The following IP6K1 variants were observed in gnomAD, a reference collection of about 807,000 sequenced individuals.
IP6K1 encodes ATP:1D-myo-inositol-hexakisphosphate phosphotransferase.
IP6K1 carries 13 observed loss-of-function variants against 38.3 expected under a neutral mutation model. The observed-to-expected ratio is 0.34, with a 90% confidence interval of 0.22 to 0.54. The LOEUF (loss-of-function observed/expected upper bound fraction) is 0.54, where lower values mean the gene tolerates loss of function less well. Among genes scored for constraint, IP6K1 ranks in the 20% least tolerant of loss-of-function variants. The pLI is 0.92. For missense variants in IP6K1, 397 were observed against 599.8 expected, an observed-to-expected ratio of 0.66 and a Z score of 3.53; for synonymous variants, 212 against 229.9, an observed-to-expected ratio of 0.92 and a Z score of 0.70.
chr3:49,776,519 T>TAAA (rs36035503), intron 1 of IP6K1, among the ~76,000 whole-genome samples: 5 of 142,776 alleles, frequency 3.5e-5, no homozygotes, highest in African/African-American at 5.2e-5. Context: ...TCAGTCTCAG[T>TAAA]AAAAAAAAAA....
At chr3:49,781,628 C>G (rs1185865448) in intron 1 of IP6K1, among the ~76,000 whole-genome samples, 1 of 152,080 alleles carries the variant, frequency 6.6e-6, no homozygotes. Context: ...TTTAGCAAAC[C>G]ATTTGGTTAG....
At chr3:49,751,250 G>A (rs1293664172) in intron 1 of IP6K1, among the ~76,000 whole-genome samples, 1 of 151,974 alleles carries the variant, frequency 6.6e-6, no homozygotes, top group Non-Finnish European at 1.5e-5. Flanking sequence ...CTGCCTCCAG[G>A]GTTCAAGCGA....
chr3:49,727,382 T>C lies in IP6K1; in HGVS notation c.1066A>G (p.Met356Val). The change falls in exon 6 of 6, where the codon ATG becomes GTG. Residue 356 changes from methionine to valine, a missense_variant. By Grantham distance (21) the Met-to-Val change is conservative. Coordinates refer to ENST00000321599, the MANE Select transcript of IP6K1 (RefSeq NM_153273.4). This position sits in a 1 kb window ranked among gnomAD's most constrained non-coding sequence, Gnocchi z 5.9. ...ACCATGTCCAGGTGCTTGAGACGCA[T>C]CTCAGACCGGCGGTCCAGGCAGGAC... is the stretch of plus-strand genomic sequence containing the variant. ...AESCLDRRSE[M>V]RLKHLDMVLP... 6.2e-7 allele frequency: 1 copy of C among 1,613,986 alleles called. No homozygotes were observed. The highest frequency in any genetic ancestry group is 1.1e-5 in the South Asian group (1 of 91,068).
At chr3:49,753,428 G>C (rs766243941) in intron 1 of IP6K1, among the ~76,000 whole-genome samples, 2 of 151,830 alleles carry the variant, frequency 1.3e-5, no homozygotes, top group Non-Finnish European at 2.9e-5. Context: ...CCTTTAATTG[G>C]CTCTTCTTTT....
At chr3:49,746,729 G>A (rs2080724555) in intron 2 of IP6K1, among the ~76,000 whole-genome samples, 1 of 150,806 alleles carries the variant, frequency 6.6e-6, no homozygotes, top group Non-Finnish European at 1.5e-5. Flanking sequence ...GCCAAGAATG[G>A]AGTTTTAATA....
At chr3:49,740,228 CTTT>C (rs71080547) in intron 2 of IP6K1, among the ~76,000 whole-genome samples, 11 of 76,492 alleles carry the variant, frequency 1.4e-4, no homozygotes, top group African/African-American at 1.9e-4. Flanking sequence ...ATTTGCAATT[CTTT>C]TTTTTTTTTT....
At chr3:49,735,398 T>A (rs576328997) in intron 3 of IP6K1, among the ~76,000 whole-genome samples, 1 of 152,280 alleles carries the variant, frequency 6.6e-6, no homozygotes, top group Non-Finnish European at 1.5e-5. Context: ...CCTAAAGCGC[T>A]GTTCAGAGAG....
intron 1 of IP6K1, among the ~76,000 whole-genome samples, chr3:49,782,831 C>A (rs1488130937): frequency 4.7e-5 from 7 of 150,268 alleles, no homozygotes; most frequent in Non-Finnish European, 1.5e-5. Flanking sequence ...CAGGCGTGGC[C>A]AGGTGTGGTG....
At position 49,761,098 on chromosome 3, in the gene IP6K1, G is replaced by A. The variant is rs150111901; in HGVS notation, c.-128-12930C>T. Among the ~76,000 whole-genome samples the A allele has an allele frequency of 4.4e-3, 674 of 151,566 alleles. 7 individuals are homozygous for A. Among genetic ancestry groups the A allele is most frequent in the African/African-American group, 0.015 (628 of 41,296 alleles). ...TGGGAGGCCGAGGCGAATGGATCAC[G>A]AGGTCAAGAGATCGAGACCATCCTG... On this transcript the variant is annotated intron_variant, in intron 1 of 5. Transcript: ENST00000321599.
intron 1 of IP6K1, among the ~76,000 whole-genome samples, chr3:49,764,560 C>T (rs1199445496): frequency 2.6e-5 from 4 of 152,022 alleles, no homozygotes; most frequent in African/African-American, 9.7e-5. Context: ...CCACACTGTA[C>T]AAGAGTCAAC....
At chr3:49,782,434 G>A (rs1019537472) in intron 1 of IP6K1, among the ~76,000 whole-genome samples, 3 of 152,080 alleles carry the variant, frequency 2.0e-5, no homozygotes, top group Admixed American at 2.0e-4. Context: ...CTCCCACAGT[G>A]CTGGGATTAC....
intron 1 of IP6K1, among the ~76,000 whole-genome samples, chr3:49,753,399 C>T (rs1380907174): frequency 6.6e-6 from 1 of 152,154 alleles, no homozygotes; most frequent in Non-Finnish European, 1.5e-5. Context: ...AAATACACCA[C>T]CACCTGCACC....
intron 3 of IP6K1, among the ~76,000 whole-genome samples, chr3:49,735,388 C>T (rs1402579210): frequency 6.6e-6 from 1 of 152,002 alleles, no homozygotes; most frequent in Non-Finnish European, 1.5e-5. Context: ...AAAAGCCCAC[C>T]CTAAAGCGCT....
In IP6K1 at chr3:49,742,406, G is replaced by A. The variant is rs567309704; in HGVS notation, c.224-3984C>T. On this transcript the variant is annotated intron_variant, in intron 2 of 5. Transcript: ENST00000321599. ...CTACTAAAAATACAAAAAATTAGCC[G>A]GGCGTGGTGGTACACGCCTGTAGTC... 5.9e-5 allele frequency among the ~76,000 whole-genome samples: 9 copies of A among 152,168 alleles called. No homozygotes were observed. In the South Asian group the frequency reaches 1.0e-3, roughly 18 times the overall value.
At chr3:49,732,696 C>A in intron 4 of IP6K1, 95 bp downstream of exon 4, 1 of 965,470 alleles carries the variant, frequency 1.0e-6, no homozygotes, top group Admixed American at 2.6e-5. Context: ...CGAAGAGGGA[C>A]CCTAGACAAA....
At chr3:49,774,407 C>CAAAAAAAAAAAAAAAAA (rs777187857) in intron 1 of IP6K1, among the ~76,000 whole-genome samples, 1 of 44,282 alleles carries the variant, frequency 2.3e-5, no homozygotes, top group Non-Finnish European at 4.7e-5. Context: ...GACTCCATCT[C>CAAAAAAAAAAAAAAAAA]AAAAAAAAAA....
Position 49,738,280 on chromosome 3 carries a change from C to T in IP6K1, c.366G>A (p.Leu122=). ...GGTCACTGCCACTGCCTGACCGGTG[C>T]AGGCTCCGGCGGGAGTGTTTGCGCC... The part of the protein sequence containing the change: ...QPRRKHSRRS[L]HRSGSGSDHK... The change falls in exon 3 of 6, where the codon CTG becomes CTA. Residue 122 remains leucine, a synonymous_variant. Transcript: ENST00000321599. The T allele has an allele frequency of 6.2e-7, 1 of 1,614,244 alleles. No homozygotes were observed. The highest frequency in any genetic ancestry group is 8.5e-7 in the Non-Finnish European group (1 of 1,180,036).
intron 1 of IP6K1, among the ~76,000 whole-genome samples, chr3:49,752,044 C>T (rs993797156): frequency 6.6e-6 from 1 of 152,110 alleles, no homozygotes; most frequent in Non-Finnish European, 1.5e-5. Flanking sequence ...GGGGGTCTGT[C>T]GTCCAGGCTG....
At chr3:49,746,038 AAAAAG>A (rs2080718506) in intron 2 of IP6K1, among the ~76,000 whole-genome samples, 1 of 152,182 alleles carries the variant, frequency 6.6e-6, no homozygotes, top group African/African-American at 2.4e-5. Context: ...GGATGGCTAC[AAAAAG>A]AAAAGAAAAG....
Sources: allele counts gnomAD v4.1 joint callset (sites outside exome capture counted in the v4.1 genomes callset), GRCh38; gene constraint gnomAD v4.1.1; non-coding constraint Gnocchi (gnomAD v3.1); transcripts MANE v1.5; gene names NCBI Gene and HGNC (gene_info 2026-07-23, HGNC 2026-07-21).